Variants in CUX1 observed in about 807,000 individuals in gnomAD.
The protein encoded by CUX1 is cut like homeobox 1.
CUX1 carries 31 observed loss-of-function variants against 158.8 expected under a neutral mutation model. That is an observed-to-expected ratio of 0.20 (90% CI 0.15 to 0.26). The LOEUF is 0.26. Ranked by LOEUF, CUX1 falls within the 10% of genes least tolerant of loss-of-function variation. The pLI, the probability that CUX1 is intolerant of heterozygous loss-of-function variation, is 1.00. For synonymous variants in CUX1, 879 were observed against 862.1 expected (o/e 1.02, Z -0.34); for missense variants, 1,589 against 2,014.6 (o/e 0.79, Z 4.04).
intron 1 of CUX1, among the ~76,000 whole-genome samples, chr7:101,901,703 C>G (rs2131750060): frequency 6.6e-6 from 1 of 152,348 alleles, no homozygotes; most frequent in African/African-American, 2.4e-5. Context: ...CACACACACA[C>G]TAGGTGGTTT....
At chr7:102,216,619 CCACA>C (rs138340390) in intron 20 of CUX1, among the ~76,000 whole-genome samples, 5 of 73,932 alleles carry the variant, frequency 6.8e-5, no homozygotes, top group African/African-American at 2.7e-4. Flanking sequence ...CACACACTCC[CCACA>C]CACACACCCC....
chr7:102,177,430 GAAAA>G (rs1201408075), intron 10 of CUX1, among the ~76,000 whole-genome samples: 1 of 138,834 alleles, frequency 7.2e-6, no homozygotes, highest in East Asian at 2.0e-4. Flanking sequence ...AAAAAAAAAA[GAAAA>G]GAAAAAGAAA....
intron 13 of CUX1, 185 bp downstream of exon 13, chr7:102,194,075 T>C (rs1343125829): frequency 1.2e-5 from 8 of 678,320 alleles, no homozygotes; most frequent in Admixed American, 4.8e-5. Context: ...CTCCTTTTTT[T>C]CCATGTGTCC....
intron 3 of CUX1, among the ~76,000 whole-genome samples, chr7:102,050,626 T>C (rs1823381416): frequency 6.6e-6 from 1 of 152,166 alleles, no homozygotes; most frequent in Non-Finnish European, 1.5e-5. Flanking sequence ...CAGCCCCTAG[T>C]TGCCCTGGCC....
At chr7:101,922,477 G>A (rs1031349178) in intron 2 of CUX1, among the ~76,000 whole-genome samples, 2 of 152,150 alleles carry the variant, frequency 1.3e-5, no homozygotes, top group South Asian at 2.1e-4. Flanking sequence ...GAGGACCTAC[G>A]CACCTGGGAA....
At chr7:102,232,279 G>A (rs1403571206) in intron 21 of CUX1, among the ~76,000 whole-genome samples, 2 of 152,076 alleles carry the variant, frequency 1.3e-5, no homozygotes, top group African/African-American at 4.8e-5. Context: ...CCAGGAGCTC[G>A]AGTCCAGCCT....
chr7:101,830,428 CTG>C (rs1294785508), intron 1 of CUX1, among the ~76,000 whole-genome samples: 1 of 152,178 alleles, frequency 6.6e-6, no homozygotes, highest in Admixed American at 6.6e-5. Flanking sequence ...GACTGGAAAA[CTG>C]AGGTTTTGGG....
Position 102,005,458 on chromosome 7 carries a change from C to T in CUX1, c.142-22640C>T, listed in dbSNP as rs147920416. ...CAAGCGATGCTCCCACCTCAGCCTC[C>T]CAAGTAGCTGGAACCACAGGTGTGC... On this transcript the variant is annotated intron_variant, in intron 2 of 23. Coordinates refer to ENST00000292535, the MANE Select transcript of CUX1 (RefSeq NM_181552.4). Among the ~76,000 whole-genome samples the T allele has an allele frequency of 2.1e-3, 315 of 152,326 alleles. 1 individual carries two copies. The highest frequency in any genetic ancestry group is 7.1e-3 in the African/African-American group (297 of 41,566).
chr7:102,178,465 C>T lies in CUX1; in HGVS notation c.829-4C>T, dbSNP rs782264938. 7 of 1,589,958 alleles carry T rather than the reference C, an allele frequency of 4.4e-6. No individual in the cohort carries two copies. The highest frequency in any genetic ancestry group is 6.0e-6 in the Non-Finnish European group (7 of 1,161,960). On this transcript the variant is annotated splice_polypyrimidine_tract_variant and splice_region_variant and intron_variant, in intron 10 of 23. Transcript: ENST00000292535. ...AGTTTTGTCATCTCTTTTCTCCTCC[C>T]CAGGAGCAGGCCATAGAGGTGCTGA... is the stretch of plus-strand genomic sequence containing the variant.
chr7:101,830,146 C>G (rs1401538242), intron 1 of CUX1, among the ~76,000 whole-genome samples: 1 of 152,142 alleles, frequency 6.6e-6, no homozygotes, highest in Non-Finnish European at 1.5e-5. Context: ...CTGTGACGGT[C>G]AAGACCAGAT....
chr7:102,088,904 CT>C (rs1197808383), intron 4 of CUX1, among the ~76,000 whole-genome samples: 2 of 152,074 alleles, frequency 1.3e-5, no homozygotes, highest in African/African-American at 4.8e-5. Context: ...AGGTTTATAG[CT>C]TTTATGAAGT....
intron 5 of CUX1, among the ~76,000 whole-genome samples, chr7:102,100,417 C>T (rs1829653134): frequency 6.6e-6 from 1 of 152,178 alleles, no homozygotes; most frequent in African/African-American, 2.4e-5. Context: ...CTGATACTTA[C>T]CAGGTAGGGT....
chr7:101,913,326 A>G (rs1387493183), intron 1 of CUX1: 4 of 1,264,716 alleles, frequency 3.2e-6, no homozygotes, highest in Admixed American at 2.4e-5. Flanking sequence ...TCCCATGCCG[A>G]CCTGCATATG....
chr7:101,861,317 G>A (rs537524986), intron 1 of CUX1, among the ~76,000 whole-genome samples: 36 of 152,296 alleles, frequency 2.4e-4, no homozygotes, highest in East Asian at 5.8e-4. Context: ...GCGTCTCTGC[G>A]TAATAGTTGA....
chr7:102,076,321 G>A (rs1387907364), intron 4 of CUX1, among the ~76,000 whole-genome samples: 2 of 152,006 alleles, frequency 1.3e-5, no homozygotes, highest in South Asian at 4.2e-4. Context: ...AGAGGTGGAG[G>A]TTGCAGTGAG....
intron 2 of CUX1, among the ~76,000 whole-genome samples, chr7:101,978,758 C>T (rs1813038794): frequency 6.6e-6 from 1 of 152,240 alleles, no homozygotes; most frequent in Admixed American, 6.5e-5. Flanking sequence ...GCTTCTTCCA[C>T]TTTCTTCCAC....
intron 1 of CUX1, among the ~76,000 whole-genome samples, chr7:101,826,877 C>T (rs150977966): frequency 6.6e-6 from 1 of 152,180 alleles, no homozygotes; most frequent in Non-Finnish European, 1.5e-5. Context: ...CCCCCACTCT[C>T]TGCCTTGTGT....
chr7:102,195,486 C>A (rs782311970), intron 13 of CUX1, 21 bp from the exon 14 acceptor site: 2 of 1,599,000 alleles, frequency 1.3e-6, no homozygotes, highest in Non-Finnish European at 1.7e-6. Flanking sequence ...CGCAGTGAGA[C>A]CCCCGCTCTG....
chr7:102,147,672 CAG>C (rs1554502468), intron 8 of CUX1, among the ~76,000 whole-genome samples: 1 of 152,166 alleles, frequency 6.6e-6, no homozygotes, highest in Non-Finnish European at 1.5e-5. Context: ...GTCAAGAAGA[CAG>C]GGGACCTCAG....
Sources: allele counts gnomAD v4.1 joint callset (sites outside exome capture counted in the v4.1 genomes callset), GRCh38; gene constraint gnomAD v4.1.1; transcripts MANE v1.5; gene names NCBI Gene and HGNC (gene_info 2026-07-23, HGNC 2026-07-21).